The following TSPAN14 variants were observed in gnomAD, a reference collection of about 807,000 sequenced individuals.
TSPAN14 encodes the protein tetraspanin 14.
TSPAN14 carries 16 observed loss-of-function variants against 36.6 expected under a neutral mutation model. The ratio of observed to expected loss-of-function variants is 0.44; its 90% CI spans 0.30 to 0.66. The LOEUF is 0.66. Among genes scored for constraint, TSPAN14 ranks in the 30% least tolerant of loss-of-function variants. TSPAN14 has a pLI of 0.12. For synonymous variants in TSPAN14, 139 were observed against 143.8 expected, an observed-to-expected ratio of 0.97 and a Z score of 0.24; for missense variants, 231 against 355.1, an observed-to-expected ratio of 0.65 and a Z score of 2.81.
At chr10:80,510,287 A>T (rs931239482) in intron 5 of TSPAN14, among the ~76,000 whole-genome samples, 1 of 152,234 alleles carries the variant, frequency 6.6e-6, no homozygotes, top group Non-Finnish European at 1.5e-5. Flanking sequence ...ATTCACTCTC[A>T]TTATTAACCA....
intron 1 of TSPAN14, among the ~76,000 whole-genome samples, chr10:80,466,810 C>T (rs1846275014): frequency 6.6e-6 from 1 of 152,120 alleles, no homozygotes; most frequent in African/African-American, 2.4e-5. Context: ...TTGTTTTATA[C>T]ATTTTAAGGA....
intron 5 of TSPAN14, among the ~76,000 whole-genome samples, chr10:80,511,884 C>G (rs1840672542): frequency 6.6e-6 from 1 of 151,624 alleles, no homozygotes; most frequent in South Asian, 2.1e-4. Flanking sequence ...CTCCTGGGCT[C>G]AAACCATCTT....
chr10:80,521,222 T>G (rs1053837536), exon 9 of TSPAN14: 1 of 172,060 alleles, frequency 5.8e-6, no homozygotes, highest in Admixed American at 5.5e-5. Flanking sequence ...ACCCACCTGA[T>G]GGCTTCTCAG....
intron 1 of TSPAN14, among the ~76,000 whole-genome samples, chr10:80,477,410 A>G (rs1201599040): frequency 4.6e-5 from 7 of 152,286 alleles, no homozygotes; most frequent in Admixed American, 4.6e-4. Context: ...GAGTAGACAC[A>G]TGTAATTTTG....
intron 1 of TSPAN14, among the ~76,000 whole-genome samples, chr10:80,486,570 GGA>G (rs1162249259): frequency 6.6e-6 from 1 of 152,166 alleles, no homozygotes; most frequent in Non-Finnish European, 1.5e-5. Flanking sequence ...TGAGGTCAAA[GGA>G]GCACTCTGTA....
intron 2 of TSPAN14, among the ~76,000 whole-genome samples, chr10:80,494,851 CT>C (rs1454042866): frequency 2.0e-5 from 3 of 152,176 alleles, no homozygotes; most frequent in African/African-American, 7.2e-5. Flanking sequence ...ATTTAATCAA[CT>C]TTTGTAATTT....
At chr10:80,500,847 G>A (rs1056209594) in intron 2 of TSPAN14, among the ~76,000 whole-genome samples, 8 of 152,228 alleles carry the variant, frequency 5.3e-5, no homozygotes, top group African/African-American at 1.4e-4. Flanking sequence ...GGGAAGGGGC[G>A]ATTGGAACAG....
At chr10:80,512,327 TC>T (rs1840705857) in intron 6 of TSPAN14, 58 bp downstream of exon 6, 1 of 1,600,244 alleles carries the variant, frequency 6.2e-7, no homozygotes, top group South Asian at 1.1e-5. Flanking sequence ...CCAGAAGCTT[TC>T]CTGACTCCTC....
chr10:80,461,517 G>A (rs1201705982), intron 1 of TSPAN14, among the ~76,000 whole-genome samples: 1 of 152,174 alleles, frequency 6.6e-6, no homozygotes, highest in African/African-American at 2.4e-5. Flanking sequence ...AGAGTTGGTG[G>A]TAGTGGTGGG....
intron 5 of TSPAN14, 79 bp from the exon 6 acceptor site, chr10:80,512,065 C>T: frequency 6.3e-7 from 1 of 1,592,722 alleles, no homozygotes. Flanking sequence ...AGCCTGGCAT[C>T]ACTATGAATG....
intron 2 of TSPAN14, among the ~76,000 whole-genome samples, chr10:80,501,573 C>T (rs1306245918): frequency 6.6e-6 from 1 of 152,194 alleles, no homozygotes; most frequent in Non-Finnish European, 1.5e-5. Flanking sequence ...TCACCTGTCC[C>T]ATGTGGCCCC....
intron 1 of TSPAN14, among the ~76,000 whole-genome samples, chr10:80,456,516 C>T (rs1408549176): frequency 6.6e-6 from 1 of 152,176 alleles, no homozygotes; most frequent in African/African-American, 2.4e-5. Flanking sequence ...GCAGGAAAGC[C>T]CTGGGTTCTG....
intron 1 of TSPAN14, among the ~76,000 whole-genome samples, 159 bp from the exon 2 acceptor site, chr10:80,489,058 A>G (rs1251093311): frequency 6.6e-6 from 1 of 152,166 alleles, no homozygotes; most frequent in African/African-American, 2.4e-5. Context: ...TGAGTTTTGC[A>G]TTACCTATAC....
At chr10:80,496,152 G>A (rs570792169) in intron 2 of TSPAN14, among the ~76,000 whole-genome samples, 3 of 152,084 alleles carry the variant, frequency 2.0e-5, no homozygotes, top group Non-Finnish European at 2.9e-5. Flanking sequence ...GTTCATTGGC[G>A]TTAAGTACAT....
chr10:80,470,531 C>T (rs1040179735), intron 1 of TSPAN14, among the ~76,000 whole-genome samples: 1 of 152,230 alleles, frequency 6.6e-6, no homozygotes, highest in Non-Finnish European at 1.5e-5. Flanking sequence ...GCCTTTCAGG[C>T]GTGGAAACAT....
At chr10:80,488,257 C>T (rs1044671669) in intron 1 of TSPAN14, among the ~76,000 whole-genome samples, 7 of 152,194 alleles carry the variant, frequency 4.6e-5, no homozygotes, top group African/African-American at 9.6e-5. Context: ...GGCAGGGGAC[C>T]GTGGAGGACT....
intron 1 of TSPAN14, among the ~76,000 whole-genome samples, chr10:80,484,081 CA>C (rs1377693429): frequency 6.6e-6 from 1 of 151,452 alleles, no homozygotes; most frequent in Non-Finnish European, 1.5e-5. Context: ...CCCGTTTGTA[CA>C]AAAAATACAA....
At chr10:80,464,548 G>A (rs540949720) in intron 1 of TSPAN14, among the ~76,000 whole-genome samples, 1 of 152,272 alleles carries the variant, frequency 6.6e-6, no homozygotes, top group East Asian at 1.9e-4. Flanking sequence ...GGGCTGGCTG[G>A]CAGATAGACC....
chr10:80,498,663 G>T (rs928082196), intron 2 of TSPAN14, among the ~76,000 whole-genome samples: 6 of 152,206 alleles, frequency 3.9e-5, no homozygotes, highest in South Asian at 2.1e-4. Flanking sequence ...GCAGATGCTT[G>T]TGGCATATCC....
Sources: gnomAD v4.1 joint callset for allele counts (sites outside exome capture counted in the v4.1 genomes callset) on GRCh38, gnomAD v4.1.1 for gene constraint, MANE v1.5 for transcripts, NCBI Gene and HGNC (gene_info 2026-07-23, HGNC 2026-07-21) for gene names.